ORC5: variants seen among roughly 807,000 people sequenced by gnomAD.
The protein encoded by ORC5 is protein phosphatase 1, regulatory subunit 117.
Under a neutral mutation model 58.8 loss-of-function variants are expected in ORC5, and 39 were observed. The observed-to-expected ratio is 0.66, with a 90% CI of 0.51 to 0.87. The LOEUF (loss-of-function observed/expected upper bound fraction) is 0.87, where lower values mean the gene tolerates loss of function less well. Among genes scored for constraint, ORC5 ranks in the 40% least tolerant of loss-of-function variants. ORC5 has a pLI of 0.00. For missense variants in ORC5, 493 were observed against 506.3 expected, an observed-to-expected ratio of 0.97 and a Z score of 0.25; for synonymous variants, 218 against 177.6, an observed-to-expected ratio of 1.23 and a Z score of -1.81.
At chr7:104,187,332 G>A (rs1799568958) in intron 6 of ORC5, among the ~76,000 whole-genome samples, 2 of 152,142 alleles carry the variant, frequency 1.3e-5, no homozygotes, top group African/African-American at 2.4e-5. Flanking sequence ...GTAAATCAGA[G>A]GAGCCCTGAA....
At chr7:104,163,456 G>A (rs74773093) in intron 11 of ORC5, among the ~76,000 whole-genome samples, 6,776 of 152,188 alleles carry the variant, frequency 0.045, 498 homozygotes, top group African/African-American at 0.15. Context: ...CTTCTGTTGT[G>A]TAAAGCCACC....
At chr7:104,199,321 T>C (rs1799876660) in intron 3 of ORC5, among the ~76,000 whole-genome samples, 1 of 152,206 alleles carries the variant, frequency 6.6e-6, no homozygotes, top group South Asian at 2.1e-4. Flanking sequence ...AGAGGGCAAC[T>C]GTACCCCGCA....
chr7:104,196,011 C>A (rs1799792744), intron 4 of ORC5, among the ~76,000 whole-genome samples: 1 of 152,102 alleles, frequency 6.6e-6, no homozygotes, highest in Non-Finnish European at 1.5e-5. Context: ...TGCCAGATTT[C>A]TCTTAAATGA....
intron 12 of ORC5, among the ~76,000 whole-genome samples, chr7:104,155,202 T>C (rs1562809856): frequency 6.6e-6 from 1 of 151,746 alleles, no homozygotes; most frequent in Non-Finnish European, 1.5e-5. Context: ...AGTGTATCCA[T>C]AGTATCATGA....
chr7:104,189,246 G>A (rs1279551811), intron 5 of ORC5, among the ~76,000 whole-genome samples: 3 of 152,032 alleles, frequency 2.0e-5, no homozygotes, highest in East Asian at 3.9e-4. Context: ...GCATGGCTGG[G>A]GAGGCCTCAG....
At chr7:104,198,560 G>C (rs1238872512) in intron 3 of ORC5, among the ~76,000 whole-genome samples, 1 of 152,202 alleles carries the variant, frequency 6.6e-6, no homozygotes, top group African/African-American at 2.4e-5. Flanking sequence ...AGGTGACCTG[G>C]CTGATTCTGA....
intron 12 of ORC5, among the ~76,000 whole-genome samples, chr7:104,144,924 C>T (rs1456804940): frequency 3.9e-5 from 6 of 152,128 alleles, no homozygotes; most frequent in Non-Finnish European, 8.8e-5. Context: ...ACAATGAGTA[C>T]TCAGATTCAT....
In ORC5 at chr7:104,151,145, G is replaced by A. The variant is rs537521749; in HGVS notation, c.1149+9927C>T. ...GTGGTAGAAATTGGGGCCAGATTATGAAGGACCTTGCAATAAATGCTATTG... is the reference window on the plus strand; with the variant it reads ...GTGGTAGAAATTGGGGCCAGATTATAAAGGACCTTGCAATAAATGCTATTG... On this transcript the variant is annotated intron_variant, in intron 12 of 13. Transcript: ENST00000297431. 2.6e-5 allele frequency among the ~76,000 whole-genome samples: 4 copies of A among 152,250 alleles called. No homozygotes were observed. In the South Asian group the frequency reaches 6.2e-4, roughly 24 times the overall value.
At chr7:104,149,187 T>G (rs1490558990) in intron 12 of ORC5, among the ~76,000 whole-genome samples, 1 of 152,140 alleles carries the variant, frequency 6.6e-6, no homozygotes, top group African/African-American at 2.4e-5. Context: ...CAACTACAAC[T>G]CATAAAATAT....
In ORC5 at chr7:104,207,917, C is replaced by G. The variant is rs1355866719; in HGVS notation, c.-13G>C. The stretch of plus-strand genomic sequence containing the variant: ...CCAAGTGGGGCATTCTGGCAGGCAC[C>G]ACCGCAGAGGCCAGTGCAGCCAGCC... On this transcript the variant is annotated 5_prime_UTR_variant, in exon 1 of 14. Coordinates refer to ENST00000297431, the MANE Select transcript of ORC5 (RefSeq NM_002553.4). 1 of 1,613,756 alleles carries G rather than the reference C, an allele frequency of 6.2e-7. No individual in the cohort carries two copies.
intron 12 of ORC5, among the ~76,000 whole-genome samples, chr7:104,144,526 C>T (rs1399722829): frequency 6.6e-6 from 1 of 152,180 alleles, no homozygotes; most frequent in East Asian, 1.9e-4. Flanking sequence ...GAGGCCGAGG[C>T]AGGCAGATTA....
rs961346273 is a variant in ORC5 at position 104,161,091 on chromosome 7, G to A, written c.1130C>T (p.Thr377Ile). 13 of 1,580,294 alleles carry A rather than the reference G, an allele frequency of 8.2e-6. No individual in the cohort carries two copies. Among genetic ancestry groups the A allele is most frequent in the Non-Finnish European group, 1.1e-5 (13 of 1,150,004 alleles). ...GCTTACCTGGGAAAAAATATTTGCT[G>A]TTGGAGCAACTCTGCTGTCCACGAT... The part of the protein sequence containing the change: ...YSIVDSRVAP[T>I]ANIFSQITSL... The change falls in exon 12 of 14, where the codon ACA becomes ATA. Residue 377 changes from threonine to isoleucine, a missense_variant. Around this residue, in one of 3 missense-constraint regions of ORC5, gnomAD observed 77 missense variants for 86.1 expected, o/e 0.89. Coordinates refer to ENST00000297431, the MANE Select transcript of ORC5 (RefSeq NM_002553.4).
intron 4 of ORC5, among the ~76,000 whole-genome samples, chr7:104,196,556 A>C (rs1355922624): frequency 2.0e-5 from 3 of 152,188 alleles, no homozygotes; most frequent in Non-Finnish European, 4.4e-5. Context: ...AAACTTCAGG[A>C]GTCAGCCTTG....
At position 104,133,945 on chromosome 7, in the gene ORC5, G is replaced by A. The variant is rs1177467109; in HGVS notation, c.1262+2836C>T. 6.6e-6 allele frequency among the ~76,000 whole-genome samples: 1 copy of A among 152,074 alleles called. No individual in the cohort carries two copies. The highest frequency in any genetic ancestry group is 1.5e-5 in the Non-Finnish European group (1 of 68,022). ...GGAGGAGATGGAATTCAGAGCATAGGTAGAAGAATCTACCTTAGGAAGAGG... is the reference window on the plus strand; with the variant it reads ...GGAGGAGATGGAATTCAGAGCATAGATAGAAGAATCTACCTTAGGAAGAGG... On this transcript the variant is annotated intron_variant, in intron 13 of 13. Coordinates refer to ENST00000297431, the MANE Select transcript of ORC5 (RefSeq NM_002553.4). The surrounding 1 kb of genome is among the most constrained non-coding windows in gnomAD (Gnocchi z 4.7).
In ORC5 at chr7:104,204,160, C is replaced by A; in HGVS notation, c.147G>T (p.Thr49=). Residue 49 remains threonine (T), a synonymous_variant, in exon 2 of 14, where the codon ACG becomes ACT. Coordinates refer to ENST00000297431, the MANE Select transcript of ORC5 (RefSeq NM_002553.4). The part of the protein sequence containing the change: ...TASGKTYVTQ[T]LLKTLELPHV... Reference sequence around the variant, plus strand: ...TTCTTACCTCTAAAGTTTTCAACAACGTTTGTGTTACATAGGTCTTTCCAC... The same window carrying A: ...TTCTTACCTCTAAAGTTTTCAACAAAGTTTGTGTTACATAGGTCTTTCCAC... 6.4e-7 allele frequency: 1 copy of A among 1,574,774 alleles called. No individual in the cohort carries two copies. Among genetic ancestry groups the A allele is most frequent in the Non-Finnish European group, 8.7e-7 (1 of 1,154,596 alleles).
intron 8 of ORC5, among the ~76,000 whole-genome samples, chr7:104,173,518 T>A (rs1030466836): frequency 6.6e-6 from 1 of 152,242 alleles, no homozygotes; most frequent in Non-Finnish European, 1.5e-5. Flanking sequence ...AGTACTCACT[T>A]GAGCCCTCTG....
intron 3 of ORC5, among the ~76,000 whole-genome samples, chr7:104,198,160 A>G (rs1487619524): frequency 6.6e-6 from 1 of 152,188 alleles, no homozygotes; most frequent in Non-Finnish European, 1.5e-5. Context: ...CCTAACCTCC[A>G]CAACTGTGAG....
At chr7:104,147,020 G>A (rs116686867) in intron 12 of ORC5, among the ~76,000 whole-genome samples, 3,372 of 152,150 alleles carry the variant, frequency 0.022, 127 homozygotes, top group African/African-American at 0.077. Context: ...CACTGATAAC[G>A]TACTCAAAAT....
chr7:104,196,574 A>G (rs989463608), intron 4 of ORC5, among the ~76,000 whole-genome samples: 1 of 152,194 alleles, frequency 6.6e-6, no homozygotes, highest in African/African-American at 2.4e-5. Context: ...TTGGGCACAC[A>G]GTAATTTCAG....
Sources: gnomAD v4.1 joint callset for allele counts (sites outside exome capture counted in the v4.1 genomes callset) on GRCh38, gnomAD v4.1.1 for gene constraint, gnomAD v4.1.1 regional missense constraint, Gnocchi (gnomAD v3.1) non-coding constraint, MANE v1.5 for transcripts, NCBI Gene and HGNC (gene_info 2026-07-23, HGNC 2026-07-21) for gene names.